LRRIQ1: variants seen among roughly 807,000 people sequenced by gnomAD.
LRRIQ1 encodes leucine rich repeats and IQ motif containing 1, also known as leucine-rich repeat- and IQ domain-containing protein 1.
Under a neutral mutation model 211.9 loss-of-function variants are expected in LRRIQ1, and 210 were observed. The observed-to-expected ratio is 0.99, with a 90% CI of 0.89 to 1.11. LRRIQ1 has a LOEUF of 1.11. LRRIQ1 is among the 50% of genes most tolerant of loss of function. The probability of loss-of-function intolerance (pLI) is 0.00; values close to 1 mark genes in which losing one functional copy is unlikely to be tolerated. For missense variants in LRRIQ1, 2,136 were observed against 1,939.5 expected (o/e 1.10, Z -1.90); for synonymous variants, 699 against 650.1 (o/e 1.08, Z -1.14).
intron 15 of LRRIQ1, among the ~76,000 whole-genome samples, chr12:85,108,806 G>A (rs751984777): frequency 3.3e-5 from 5 of 152,080 alleles, no homozygotes; most frequent in Non-Finnish European, 7.3e-5. Context: ...TACAATTTAG[G>A]AAAATGAGTT....
chr12:85,092,603 C>A (rs927095201), intron 11 of LRRIQ1, among the ~76,000 whole-genome samples: 2 of 152,162 alleles, frequency 1.3e-5, no homozygotes, highest in African/African-American at 4.8e-5. Context: ...TTCATTGCAA[C>A]AAATGATTCA....
At chr12:85,191,916 C>T (rs1329068873) in intron 24 of LRRIQ1, among the ~76,000 whole-genome samples, 1 of 151,748 alleles carries the variant, frequency 6.6e-6, no homozygotes, top group African/African-American at 2.4e-5. Flanking sequence ...ACTGTATCTT[C>T]CTTGGTGTGG....
intron 24 of LRRIQ1, among the ~76,000 whole-genome samples, chr12:85,220,700 T>A (rs1222679413): frequency 6.6e-6 from 1 of 151,590 alleles, no homozygotes; most frequent in African/African-American, 2.4e-5. Context: ...ATGTGCAGGT[T>A]TGTTACATAT....
chr12:85,152,148 A>G (rs1890287041), intron 19 of LRRIQ1, 132 bp from the exon 20 acceptor site: 5 of 649,196 alleles, frequency 7.7e-6, no homozygotes, highest in Admixed American at 6.7e-5. Context: ...TCACAATAGT[A>G]AGTAGAAAAT....
intron 24 of LRRIQ1, among the ~76,000 whole-genome samples, chr12:85,192,749 TA>T (rs1291598119): frequency 1.9e-5 from 2 of 103,160 alleles, no homozygotes; most frequent in South Asian, 6.4e-4. Flanking sequence ...TAATTATATA[TA>T]AATATATATA....
intron 8 of LRRIQ1, among the ~76,000 whole-genome samples, chr12:85,057,524 G>C (rs946431498): frequency 4.6e-5 from 7 of 152,144 alleles, no homozygotes; most frequent in African/African-American, 1.7e-4. Flanking sequence ...TAAGTAAACA[G>C]AAGTTTGCTT....
At chr12:85,094,496 T>C (rs1478676418) in intron 11 of LRRIQ1, among the ~76,000 whole-genome samples, 2 of 152,154 alleles carry the variant, frequency 1.3e-5, no homozygotes, top group African/African-American at 4.8e-5. Flanking sequence ...ACCAATACCA[T>C]GCTATTTTGG....
chr12:85,107,221 A>C (rs1457301350), intron 15 of LRRIQ1, among the ~76,000 whole-genome samples: 2 of 152,116 alleles, frequency 1.3e-5, no homozygotes, highest in Non-Finnish European at 2.9e-5. Context: ...TTTTTTCAAA[A>C]ATTAGCTATT....
At position 85,056,405 on chromosome 12, in the gene LRRIQ1, G is replaced by A. The variant is rs1426224789; in HGVS notation, c.1612G>A (p.Glu538Lys). Residue 538 changes from glutamate (E) to lysine (K), a missense_variant, in exon 8 of 27, where the codon GAA becomes AAA. Physicochemically the swap from Glu to Lys is moderately conservative, Grantham distance 56. Coordinates refer to ENST00000393217, the MANE Select transcript of LRRIQ1 (RefSeq NM_001079910.2). Reference protein sequence around the residue: ...QELKSDAQKEEKIMKHVINEN... With the variant: ...QELKSDAQKEKKIMKHVINEN... The stretch of plus-strand genomic sequence containing the variant: ...ATTAAAGTCTGATGCACAAAAAGAA[G>A]AAAAAATCATGAAACATGTCATAAA... 1 of 1,586,436 alleles carries A rather than the reference G, an allele frequency of 6.3e-7. No individual in the cohort carries two copies. The highest frequency in any genetic ancestry group is 8.5e-7 in the Non-Finnish European group (1 of 1,172,674).
intron 24 of LRRIQ1, among the ~76,000 whole-genome samples, chr12:85,207,664 C>T (rs1893628057): frequency 6.6e-6 from 1 of 152,032 alleles, no homozygotes; most frequent in Non-Finnish European, 1.5e-5. Flanking sequence ...GTGTTTTGCA[C>T]TTGGGTCTAT....
chr12:85,261,118 A>G (rs1896273000), intron 1 of LRRIQ1, among the ~76,000 whole-genome samples: 3 of 152,114 alleles, frequency 2.0e-5, no homozygotes, highest in African/African-American at 2.4e-5. Flanking sequence ...AGGTCTCTAA[A>G]TTCCTGAGCC....
chr12:85,064,509 A>C lies in LRRIQ1; in HGVS notation c.2392-753A>C, dbSNP rs796067688. ...GTTGATTGTTTCCTTTGCTGTACAG[A>C]AGCTTTTTAACTTGATGTAATTCCA... On this transcript the variant is annotated intron_variant, in intron 8 of 26. Transcript: ENST00000393217. Among the ~76,000 whole-genome samples the C allele has an allele frequency of 5.3e-5, 8 of 151,798 alleles. No homozygotes were observed. The East Asian group carries it at 1.6e-3, about 30-fold the overall frequency.
At chr12:85,087,691 T>A (rs554547201) in intron 11 of LRRIQ1, among the ~76,000 whole-genome samples, 24 of 152,200 alleles carry the variant, frequency 1.6e-4, no homozygotes, top group Non-Finnish European at 3.1e-4. Context: ...TCTCTGATGA[T>A]CAGTGATGAT....
intron 6 of LRRIQ1, chr12:85,047,702 C>A: frequency 2.5e-6 from 1 of 395,846 alleles, no homozygotes; most frequent in Non-Finnish European, 4.6e-6. Context: ...CCAATGGAGT[C>A]TATGAATTTC....
At chr12:85,120,773 T>C (rs1252517189) in intron 15 of LRRIQ1, among the ~76,000 whole-genome samples, 1 of 152,172 alleles carries the variant, frequency 6.6e-6, no homozygotes, top group Non-Finnish European at 1.5e-5. Context: ...ATTAACTTTA[T>C]TGAAGGAGTT....
intron 11 of LRRIQ1, among the ~76,000 whole-genome samples, chr12:85,092,753 A>G (rs1048202319): frequency 6.6e-6 from 1 of 152,190 alleles, no homozygotes; most frequent in Admixed American, 6.5e-5. Context: ...AAACATGTAG[A>G]ACAGAAGCAG....
chr12:85,219,153 T>C (rs1894288080), intron 24 of LRRIQ1, among the ~76,000 whole-genome samples: 1 of 152,122 alleles, frequency 6.6e-6, no homozygotes, highest in Non-Finnish European at 1.5e-5. Flanking sequence ...CTGAGTTATG[T>C]GATTCTCTGG....
intron 24 of LRRIQ1, among the ~76,000 whole-genome samples, chr12:85,192,827 G>C (rs1440931823): frequency 2.1e-5 from 2 of 96,972 alleles, no homozygotes. Flanking sequence ...AATATATATA[G>C]TTATATACTA....
At chr12:85,256,113 C>T (rs991466112) in intron 1 of LRRIQ1, among the ~76,000 whole-genome samples, 13 of 151,510 alleles carry the variant, frequency 8.6e-5, no homozygotes, top group African/African-American at 2.7e-4. Context: ...ATAATGTTTA[C>T]GGAGCTAAGA....
Sources: allele counts gnomAD v4.1 joint callset (sites outside exome capture counted in the v4.1 genomes callset), GRCh38; gene constraint gnomAD v4.1.1; transcripts MANE v1.5; gene names NCBI Gene and HGNC (gene_info 2026-07-23, HGNC 2026-07-21).